Variants in CDK19 observed in about 807,000 individuals in gnomAD.
The protein encoded by CDK19 is cyclin-dependent kinase 19.
CDK19 carries 20 observed loss-of-function variants against 68.3 expected under a neutral mutation model. The ratio of observed to expected loss-of-function variants is 0.29; its 90% CI spans 0.21 to 0.43. The LOEUF (loss-of-function observed/expected upper bound fraction) is 0.43. CDK19 is among the 20% of genes least tolerant of loss of function. The pLI is 1.00. For synonymous variants in CDK19, 221 were observed against 222.8 expected (o/e 0.99, Z 0.07); for missense variants, 339 against 623.5 (o/e 0.54, Z 4.86).
chr6:110,689,466 G>A (rs746358402), intron 2 of CDK19, among the ~76,000 whole-genome samples: 3 of 152,178 alleles, frequency 2.0e-5, no homozygotes, highest in Non-Finnish European at 2.9e-5. Flanking sequence ...TCTTGCAAGC[G>A]TCACTTCCTG....
chr6:110,734,528 T>TCC (rs1323653960), intron 2 of CDK19, among the ~76,000 whole-genome samples: 4 of 143,450 alleles, frequency 2.8e-5, no homozygotes, highest in Non-Finnish European at 3.0e-5. Flanking sequence ...CTGCTCTCTC[T>TCC]CTCTCTCTCT....
At position 110,629,878 on chromosome 6, in the gene CDK19, G is replaced by A. The variant is rs373163360; in HGVS notation, c.646+2152C>T. On this transcript the variant is annotated intron_variant, in intron 6 of 12. Coordinates refer to ENST00000368911, the MANE Select transcript of CDK19 (RefSeq NM_015076.5). Reference sequence around the variant, plus strand: ...AGTGATTATGTTTTTATCTTTAAGCGGTAAATTTCATTTACCAAGCAAGTG... The same window carrying A: ...AGTGATTATGTTTTTATCTTTAAGCAGTAAATTTCATTTACCAAGCAAGTG... Among the ~76,000 whole-genome samples, 18 of 152,012 alleles carry A rather than the reference G, an allele frequency of 1.2e-4. No homozygotes were observed. In the South Asian group the frequency reaches 1.7e-3, roughly 14 times the overall value.
intron 2 of CDK19, among the ~76,000 whole-genome samples, chr6:110,674,851 G>A (rs954424543): frequency 6.6e-6 from 1 of 150,948 alleles, no homozygotes; most frequent in African/African-American, 2.4e-5. Flanking sequence ...GCAGTGAGCT[G>A]AGATTATGCC....
intron 8 of CDK19, among the ~76,000 whole-genome samples, chr6:110,625,857 A>G (rs1779058247): frequency 6.6e-6 from 1 of 152,148 alleles, no homozygotes; most frequent in Admixed American, 6.5e-5. Context: ...ATGATGTCTG[A>G]TTTTGTTCCT....
chr6:110,797,676 T>A (rs1319474590), intron 1 of CDK19, among the ~76,000 whole-genome samples: 4 of 152,152 alleles, frequency 2.6e-5, no homozygotes, highest in Non-Finnish European at 5.9e-5. Context: ...ACAGACTTTG[T>A]ATGAACTCTA....
intron 1 of CDK19, among the ~76,000 whole-genome samples, chr6:110,755,248 C>T (rs962953424): frequency 2.6e-5 from 4 of 151,978 alleles, no homozygotes; most frequent in Admixed American, 2.0e-4. Flanking sequence ...GCTATGTTGG[C>T]CAGGCTGGTC....
intron 2 of CDK19, among the ~76,000 whole-genome samples, chr6:110,690,043 C>A (rs1163172098): frequency 6.6e-6 from 1 of 152,180 alleles, no homozygotes; most frequent in Non-Finnish European, 1.5e-5. Context: ...GGAAAGTCTG[C>A]AGCTCTACCC....
chr6:110,749,113 A>G (rs1009497360), intron 1 of CDK19, among the ~76,000 whole-genome samples: 2 of 152,236 alleles, frequency 1.3e-5, no homozygotes, highest in Non-Finnish European at 2.9e-5. Flanking sequence ...GCATATTGAA[A>G]TTAATCAGAG....
chr6:110,815,280 C>T lies in CDK19; in HGVS notation c.-144G>A. ...GCGCCGCCCGCCGCCCGCCGCTCCG[C>T]GGTCCGCCTTCAGCAAGGGACTCCT... On this transcript the variant is annotated 5_prime_UTR_variant, in exon 1 of 13. Coordinates refer to ENST00000368911, the MANE Select transcript of CDK19 (RefSeq NM_015076.5). The T allele has an allele frequency of 1.0e-6, 1 of 956,086 alleles. No individual in the cohort carries two copies. Among genetic ancestry groups the T allele is most frequent in the Non-Finnish European group, 1.4e-6 (1 of 714,466 alleles). The allele number at this position is 956,086 out of a possible 1,614,324, so 59.2% of individuals were successfully genotyped here. A position where few individuals can be genotyped will look rare whatever the true frequency, so the allele number is the denominator to read the frequency against.
chr6:110,674,199 T>G (rs1051466612), intron 2 of CDK19, among the ~76,000 whole-genome samples: 1 of 152,240 alleles, frequency 6.6e-6, no homozygotes, highest in Non-Finnish European at 1.5e-5. Flanking sequence ...ATAAATGTTG[T>G]GTGTATTCTG....
intron 2 of CDK19, among the ~76,000 whole-genome samples, chr6:110,701,852 A>T (rs1026813388): frequency 2.0e-5 from 3 of 151,910 alleles, no homozygotes; most frequent in Admixed American, 6.6e-5. Flanking sequence ...ATAAGAGGCC[A>T]GGTGGATGGG....
Position 110,746,220 on chromosome 6 carries a change from AC to A in CDK19, c.129-20del, listed in dbSNP as rs764523310. 9.8e-5 allele frequency: 147 copies of A among 1,497,456 alleles called. 3 individuals carry two copies. The Admixed American group carries it at 2.4e-3, about 24-fold the overall frequency. The allele number at this position is 1,497,456 out of a possible 1,614,324, so 92.8% of individuals were successfully genotyped here. A position where few individuals can be genotyped will look rare whatever the true frequency, so the allele number is the denominator to read the frequency against. On this transcript the variant is annotated intron_variant, in intron 1 of 12. Transcript: ENST00000368911. Reference sequence around the variant, plus strand: ...ATCTTTTCTGCACATAAACAAAAAAACATCATTTTTCCATATATCACTTTCA... The same window carrying A: ...ATCTTTTCTGCACATAAACAAAAAAAATCATTTTTCCATATATCACTTTCA...
chr6:110,796,502 A>G (rs886178746), intron 1 of CDK19, among the ~76,000 whole-genome samples: 1 of 151,468 alleles, frequency 6.6e-6, no homozygotes, highest in East Asian at 2.0e-4. Context: ...AAAACTACAA[A>G]AATTAGCTGG....
At chr6:110,799,761 C>T (rs1034900101) in intron 1 of CDK19, among the ~76,000 whole-genome samples, 2 of 152,078 alleles carry the variant, frequency 1.3e-5, no homozygotes, top group African/African-American at 2.4e-5. Flanking sequence ...CTATACCCAG[C>T]TAGTTTTTTT....
At chr6:110,634,105 C>T (rs1477984518) in intron 5 of CDK19, among the ~76,000 whole-genome samples, 1 of 152,164 alleles carries the variant, frequency 6.6e-6, no homozygotes, top group African/African-American at 2.4e-5. Context: ...CACAGAATGT[C>T]ATTTAATCTA....
chr6:110,651,042 A>C lies in CDK19; in HGVS notation c.457-12336T>G, dbSNP rs939427813. Among the ~76,000 whole-genome samples, 12 of 152,308 alleles carry C rather than the reference A, an allele frequency of 7.9e-5. 1 individual carries two copies. Among genetic ancestry groups the C allele is most frequent in the Non-Finnish European group, 1.6e-4 (11 of 68,022 alleles). ...CTGGCTAATGAGAGAAACAGCAAAGAGGTCAATGTAAGAACAGGAGAGTAA... is the reference window on the plus strand; with the variant it reads ...CTGGCTAATGAGAGAAACAGCAAAGCGGTCAATGTAAGAACAGGAGAGTAA... On this transcript the variant is annotated intron_variant, in intron 4 of 12. Coordinates refer to ENST00000368911, the MANE Select transcript of CDK19 (RefSeq NM_015076.5).
At chr6:110,744,356 T>C (rs1056615139) in intron 2 of CDK19, among the ~76,000 whole-genome samples, 15 of 151,870 alleles carry the variant, frequency 9.9e-5, no homozygotes, top group African/African-American at 3.6e-4. Flanking sequence ...TTAGAATTTT[T>C]TCAAACAATT....
chr6:110,719,972 G>GCTCCCCCCCCCCCCCCCCCCCCCCCCC (rs1554211507), intron 2 of CDK19, among the ~76,000 whole-genome samples: 2 of 45,520 alleles, frequency 4.4e-5, no homozygotes, highest in Non-Finnish European at 4.2e-5. Context: ...CTTGTGATCC[G>GCTCCCCCCCCCCCCCCCCCCCCCCCCC]CCCCCCCCCC....
At chr6:110,645,751 ATGCATGGACAATGAGCGGC>A in intron 4 of CDK19, 1 of 533,900 alleles carries the variant, frequency 1.9e-6, no homozygotes, top group Non-Finnish European at 3.6e-6. Context: ...GTCCACGGTA[ATGCATGGACAATGAGCGGC>A]TGTTTTCCAG....
Sources: allele counts gnomAD v4.1 joint callset (sites outside exome capture counted in the v4.1 genomes callset), GRCh38; gene constraint gnomAD v4.1.1; transcripts MANE v1.5; gene names NCBI Gene and HGNC (gene_info 2026-07-23, HGNC 2026-07-21).